Variants in CLDN10 observed in about 807,000 individuals in gnomAD.
The protein encoded by CLDN10 is claudin 10.
A neutral mutation model predicts 22.9 loss-of-function variants in CLDN10; 15 were observed. That is an observed-to-expected ratio of 0.65 (90% CI 0.44 to 1.01). CLDN10 has a LOEUF of 1.01. Ranked by LOEUF, CLDN10 falls within the 50% of genes least tolerant of loss-of-function variation. The probability of loss-of-function intolerance (pLI) is 0.00; values close to 1 mark genes in which losing one functional copy is unlikely to be tolerated. For synonymous variants in CLDN10, 114 were observed against 111.4 expected (o/e 1.02, Z -0.15); for missense variants, 247 against 287.8 (o/e 0.86, Z 1.03).
intron 1 of CLDN10, among the ~76,000 whole-genome samples, chr13:95,483,324 AT>A (rs1431478959): frequency 1.3e-5 from 2 of 151,306 alleles, no homozygotes; most frequent in African/African-American, 2.4e-5. Context: ...TTATTTCTCA[AT>A]TTCCCTCTCC....
chr13:95,563,607 C>G (rs1566340021), intron 3 of CLDN10, among the ~76,000 whole-genome samples: 1 of 152,192 alleles, frequency 6.6e-6, no homozygotes, highest in Non-Finnish European at 1.5e-5. Flanking sequence ...GTTTTCCCTG[C>G]AGTGCCTTTC....
At chr13:95,524,912 T>C (rs1036694991) in intron 1 of CLDN10, among the ~76,000 whole-genome samples, 15 of 151,714 alleles carry the variant, frequency 9.9e-5, no homozygotes, top group African/African-American at 2.2e-4. Context: ...CAGGCTGGAG[T>C]GCAATGGCGA....
chr13:95,514,508 A>G (rs2043141235), intron 1 of CLDN10, among the ~76,000 whole-genome samples: 1 of 147,456 alleles, frequency 6.8e-6, no homozygotes. Flanking sequence ...TACCCTTTCT[A>G]TGGAGATAAT....
At chr13:95,533,878 C>T (rs2043372621) in intron 1 of CLDN10, 1 of 152,522 alleles carries the variant, frequency 6.6e-6, no homozygotes, top group Admixed American at 6.5e-5. Context: ...TCTACCCAGA[C>T]TCTACCCAGA....
chr13:95,491,951 C>T (rs944468178), intron 1 of CLDN10, among the ~76,000 whole-genome samples: 2 of 152,132 alleles, frequency 1.3e-5, no homozygotes, highest in African/African-American at 4.8e-5. Flanking sequence ...GGTCTAGCCA[C>T]CCAGTGAGTC....
intron 3 of CLDN10, among the ~76,000 whole-genome samples, chr13:95,565,642 ATTAT>A (rs1174122879): frequency 2.0e-5 from 3 of 152,070 alleles, no homozygotes; most frequent in African/African-American, 7.2e-5. Context: ...TTTTATTATT[ATTAT>A]TTAAGTTCTA....
At chr13:95,492,684 G>A (rs2042886307) in intron 1 of CLDN10, among the ~76,000 whole-genome samples, 1 of 152,128 alleles carries the variant, frequency 6.6e-6, no homozygotes, top group African/African-American at 2.4e-5. Flanking sequence ...CTGGTCAGGA[G>A]GCTTCTTGCC....
exon 1 of CLDN10, chr13:95,433,777 T>C: frequency 6.3e-7 from 1 of 1,580,994 alleles, no homozygotes; most frequent in South Asian, 1.1e-5. Flanking sequence ...ATCGGCTGCA[T>C]GCCTAGACCA....
intron 3 of CLDN10, among the ~76,000 whole-genome samples, chr13:95,572,315 G>A (rs1242588364): frequency 6.6e-6 from 1 of 152,150 alleles, no homozygotes; most frequent in East Asian, 1.9e-4. Flanking sequence ...TTTACTTAAA[G>A]TGTACATAAA....
At chr13:95,494,780 C>A (rs193216721) in intron 1 of CLDN10, among the ~76,000 whole-genome samples, 31 of 152,208 alleles carry the variant, frequency 2.0e-4, no homozygotes, top group Non-Finnish European at 4.0e-4. Context: ...CGGACAGGGC[C>A]TTTAAGACCA....
Position 95,443,668 on chromosome 13 carries a change from G to A in CLDN10, c.214+9621G>A, listed in dbSNP as rs183063207. ...TACTTTCAGCAGGCTTTGGAGTGTA[G>A]GAGCCCCAAGTTGTCTGGTTGCCAC... On this transcript the variant is annotated intron_variant, in intron 1 of 4. Transcript: ENST00000376873. Among the ~76,000 whole-genome samples the A allele has an allele frequency of 4.7e-4, 72 of 152,320 alleles. 1 individual carries two copies. Among genetic ancestry groups the A allele is most frequent in the Admixed American group, 3.8e-3 (58 of 15,302 alleles).
At chr13:95,520,949 A>G (rs975561591) in intron 1 of CLDN10, among the ~76,000 whole-genome samples, 2 of 151,290 alleles carry the variant, frequency 1.3e-5, no homozygotes, top group Non-Finnish European at 2.9e-5. Flanking sequence ...TGGGCGACAG[A>G]GCGAGACTCC....
At chr13:95,536,471 A>G (rs539328953) in intron 1 of CLDN10, among the ~76,000 whole-genome samples, 2 of 152,202 alleles carry the variant, frequency 1.3e-5, no homozygotes, top group East Asian at 3.9e-4. Context: ...AAGAAAAATC[A>G]TCCAAGGGAC....
At chr13:95,454,830 G>T (rs936156081) in intron 1 of CLDN10, among the ~76,000 whole-genome samples, 2 of 152,178 alleles carry the variant, frequency 1.3e-5, no homozygotes, top group African/African-American at 4.8e-5. Context: ...TTTGGGGGAG[G>T]TGTGGTGCCT....
chr13:95,555,155 A>G (rs2043619797), intron 1 of CLDN10, among the ~76,000 whole-genome samples: 1 of 150,664 alleles, frequency 6.6e-6, no homozygotes, highest in Admixed American at 6.7e-5. Context: ...GGTACAAGTG[A>G]TTCTCCTGTC....
chr13:95,505,841 G>A (rs542052127), intron 1 of CLDN10, among the ~76,000 whole-genome samples: 2 of 134,764 alleles, frequency 1.5e-5, no homozygotes, highest in South Asian at 4.6e-4. Context: ...TGCAACCTCT[G>A]CCTCCCAGGT....
intron 1 of CLDN10, among the ~76,000 whole-genome samples, chr13:95,507,932 T>C (rs956058843): frequency 2.0e-5 from 3 of 151,892 alleles, no homozygotes; most frequent in Non-Finnish European, 4.4e-5. Flanking sequence ...CAAAAAACTT[T>C]TTTTAAATAG....
intron 1 of CLDN10, among the ~76,000 whole-genome samples, chr13:95,450,370 C>T (rs1048402283): frequency 2.8e-4 from 43 of 152,234 alleles, no homozygotes; most frequent in African/African-American, 1.0e-3. Context: ...ACCTTCTGCA[C>T]ATTCCCTGGA....
chr13:95,541,570 A>C (rs1368153002), intron 1 of CLDN10, among the ~76,000 whole-genome samples: 1 of 151,946 alleles, frequency 6.6e-6, no homozygotes, highest in East Asian at 1.9e-4. Context: ...GGAGGAGACA[A>C]TATTCTCCCA....
Sources: allele counts gnomAD v4.1 joint callset (sites outside exome capture counted in the v4.1 genomes callset), GRCh38; gene constraint gnomAD v4.1.1; transcripts MANE v1.5; gene names NCBI Gene and HGNC (gene_info 2026-07-23, HGNC 2026-07-21).